Variants in HTRA4 observed in about 807,000 individuals in gnomAD.
HTRA4 encodes HtrA serine peptidase 4, also known as serine protease HTRA4.
In HTRA4, 46 loss-of-function variants were observed where a neutral mutation model predicts 49.1. The observed-to-expected ratio is 0.94, with a 90% confidence interval of 0.74 to 1.20. HTRA4 has a LOEUF of 1.20. HTRA4 is among the 50% of genes most tolerant of loss of function. The pLI, the probability that HTRA4 is intolerant of heterozygous loss-of-function variation, is 0.00. For synonymous variants in HTRA4, 261 were observed against 264.0 expected, an observed-to-expected ratio of 0.99 and a Z score of 0.11; for missense variants, 602 against 636.9, an observed-to-expected ratio of 0.95 and a Z score of 0.59.
chr8:38,988,048 C>T lies in HTRA4; in HGVS notation c.1381C>T (p.Arg461Trp), dbSNP rs761178510. ...DSDSLSMAVL[R>W]GKDNLLLTVI... ...TGATTCCCTTTCCATGGCTGTTCTT[C>T]GGGGAAAAGATAATTTGCTCCTGAC... The change falls in exon 9 of 9, where the codon CGG (arginine) becomes TGG (tryptophan). Residue 461 changes from arginine (R) to tryptophan (W), a missense_variant. Arg to Trp is a moderately radical substitution (Grantham distance 101). Coordinates refer to ENST00000302495, the MANE Select transcript of HTRA4 (RefSeq NM_153692.4). 1.2e-5 allele frequency: 20 copies of T among 1,609,978 alleles called. No individual in the cohort carries two copies. The highest frequency in any genetic ancestry group is 1.7e-4 in the Middle Eastern group (1 of 6,060).
chr8:38,987,938 C>T lies in HTRA4; in HGVS notation c.1271C>T (p.Ser424Phe). The change falls in exon 9 of 9, where the codon TCT becomes TTT. Residue 424 changes from serine (S) to phenylalanine (F), a missense_variant and splice_region_variant. Transcript: ENST00000302495. ...TCTTTTTTTTCTCCCTCTCTCAGCT[C>T]TGGATTGAGAGATCACGATGTAATT... ...KVVEGTAAQS[S>F]GLRDHDVIVN... 6.3e-7 allele frequency: 1 copy of T among 1,577,336 alleles called. No individual in the cohort carries two copies. Among genetic ancestry groups the T allele is most frequent in the South Asian group, 1.2e-5 (1 of 83,986 alleles).
At chr8:38,986,236 C>T (rs1028288922) in intron 8 of HTRA4, among the ~76,000 whole-genome samples, 1 of 152,140 alleles carries the variant, frequency 6.6e-6, no homozygotes, top group Non-Finnish European at 1.5e-5. Context: ...CTGGCACTTA[C>T]AAAACTTTTA....
intron 5 of HTRA4, among the ~76,000 whole-genome samples, chr8:38,981,063 GTTTTTTTTTTTTTTTTTT>G (rs71216700): frequency 1.2e-4 from 6 of 48,144 alleles, no homozygotes; most frequent in African/African-American, 1.8e-4. Flanking sequence ...ATGAGCTTAA[GTTTTTTTTTTTTTTTTTT>G]TTTTTTTTTT....
In HTRA4 at chr8:38,974,560, C is replaced by A; in HGVS notation, c.297C>A (p.Arg99=). Residue 99 remains arginine (R), a synonymous_variant, in exon 1 of 9, where the codon CGC becomes CGA. Transcript: ENST00000302495. ...APGLQCLQPL[R]PGFPSTCGCP... The stretch of plus-strand genomic sequence containing the variant: ...GGCTGCAGTGCCTCCAGCCGCTGCG[C>A]CCCGGGTTCCCCAGCACCTGCGGTT... The A allele has an allele frequency of 7.1e-7, 1 of 1,404,898 alleles. No individual in the cohort carries two copies. The allele number at this position is 1,404,898 out of a possible 1,614,324, so 87.0% of individuals were successfully genotyped here. A position where few individuals can be genotyped will look rare whatever the true frequency, so the allele number is the denominator to read the frequency against.
intron 4 of HTRA4, among the ~76,000 whole-genome samples, chr8:38,978,637 G>A (rs541254349): frequency 2.6e-5 from 4 of 152,260 alleles, no homozygotes; most frequent in South Asian, 2.1e-4. Context: ...TGTCTCGTTC[G>A]CTGTGATCGC....
intron 5 of HTRA4, 28 bp downstream of exon 5, chr8:38,979,275 A>G (rs1170284526): frequency 1.2e-6 from 2 of 1,601,556 alleles, no homozygotes; most frequent in African/African-American, 2.7e-5. Flanking sequence ...TTGTTGCTTC[A>G]TGTTTCTTCT....
intron 8 of HTRA4, among the ~76,000 whole-genome samples, chr8:38,983,964 A>G (rs929836028): frequency 6.6e-6 from 1 of 152,032 alleles, no homozygotes; most frequent in African/African-American, 2.4e-5. Flanking sequence ...TAAGTGATTA[A>G]CACCTATTAG....
intron 4 of HTRA4, among the ~76,000 whole-genome samples, chr8:38,978,632 C>T (rs1427659432): frequency 2.0e-5 from 3 of 152,122 alleles, no homozygotes; most frequent in Admixed American, 6.5e-5. Context: ...GAGTCTGTCT[C>T]GTTCGCTGTG....
intron 7 of HTRA4, 103 bp from the exon 8 acceptor site, chr8:38,982,850 C>A: frequency 2.6e-6 from 2 of 758,062 alleles, no homozygotes; most frequent in East Asian, 2.6e-5. Context: ...TTCCTCGGCC[C>A]TTGTGAACCT....
Position 38,982,553 on chromosome 8 carries a change from G to A in HTRA4, c.1170G>A (p.Val390=), listed in dbSNP as rs1835436208. ...YLGLQMLSLT[V]PLSEELKMHY... ...GTCTGCAAATGCTGTCCCTCACTGTGCCGTAAGCATGTGTTTGAATATGTC... is the reference window on the plus strand; with the variant it reads ...GTCTGCAAATGCTGTCCCTCACTGTACCGTAAGCATGTGTTTGAATATGTC... The change falls in exon 7 of 9, where the codon GTG becomes GTA. Residue 390 remains valine, a splice_region_variant and synonymous_variant. Coordinates refer to ENST00000302495, the MANE Select transcript of HTRA4 (RefSeq NM_153692.4). 6.2e-7 allele frequency: 1 copy of A among 1,613,940 alleles called. No homozygotes were observed.
chr8:38,975,222 T>TA lies in HTRA4; in HGVS notation c.566+98dup, dbSNP rs201547387. ...ACCCTTCGCAAGCGTCATTTAATCCTAAAAAACCAGTGAGGAAACTGAGAC... is the reference window on the plus strand; with the variant it reads ...ACCCTTCGCAAGCGTCATTTAATCCTAAAAAAACCAGTGAGGAAACTGAGAC... On this transcript the variant is annotated intron_variant, in intron 2 of 8. Transcript: ENST00000302495. 6.8e-4 allele frequency: 889 copies of TA among 1,303,742 alleles called. 11 individuals are homozygous for TA. In the East Asian group the frequency reaches 0.018, roughly 26 times the overall value. The allele number at this position is 1,303,742 out of a possible 1,614,324, so 80.8% of individuals were successfully genotyped here.
rs1407053357 is a variant in HTRA4 at position 38,977,933 on chromosome 8, C to A, written c.772-20C>A. Reference sequence around the variant, plus strand: ...TCTTTACCCTTTCTGTCCTCCCCATCCCTTTTTGGGCACGTGCAGGCTGAA... The same window carrying A: ...TCTTTACCCTTTCTGTCCTCCCCATACCTTTTTGGGCACGTGCAGGCTGAA... On this transcript the variant is annotated intron_variant, in intron 3 of 8. Coordinates refer to ENST00000302495, the MANE Select transcript of HTRA4 (RefSeq NM_153692.4). 6.2e-7 allele frequency: 1 copy of A among 1,610,158 alleles called. No homozygotes were observed. The highest frequency in any genetic ancestry group is 1.3e-5 in the African/African-American group (1 of 74,744).
At chr8:38,974,972 A>G (rs1835327746) in intron 1 of HTRA4, 59 bp from the exon 2 acceptor site, 4 of 1,587,754 alleles carry the variant, frequency 2.5e-6, no homozygotes, top group East Asian at 4.5e-5. Flanking sequence ...CATTTTTCCA[A>G]CTAGGATAGC....
chr8:38,978,384 C>T (rs1489238602), intron 4 of HTRA4, among the ~76,000 whole-genome samples: 1 of 152,214 alleles, frequency 6.6e-6, no homozygotes, highest in African/African-American at 2.4e-5. Context: ...GAATCTAACT[C>T]ATGCCCGATG....
chr8:38,986,343 C>T (rs1362776586), intron 8 of HTRA4, among the ~76,000 whole-genome samples: 2 of 152,184 alleles, frequency 1.3e-5, no homozygotes, highest in Non-Finnish European at 2.9e-5. Flanking sequence ...AATGCAATGG[C>T]ATGATCTCAG....
rs773305917 is a variant in HTRA4 at position 38,985,161 on chromosome 8, C to CTTTTTT, written c.1268+2126_1268+2131dup. Among the ~76,000 whole-genome samples the CTTTTTT allele has an allele frequency of 4.9e-4, 64 of 130,672 alleles. 3 individuals are homozygous for CTTTTTT. Among genetic ancestry groups the CTTTTTT allele is most frequent in the East Asian group, 1.2e-3 (5 of 4,306 alleles). The allele number at this position is 130,672 out of a possible 152,430, so 85.7% of individuals were successfully genotyped here. A position where few individuals can be genotyped will look rare whatever the true frequency, so the allele number is the denominator to read the frequency against. On this transcript the variant is annotated intron_variant, in intron 8 of 8. Transcript: ENST00000302495. ...TCTCCTGGGCTTTTCTGTTGTACTTCTTTTTTTTTTTTTTTTTTGAGACGG... is the reference window on the plus strand; with the variant it reads ...TCTCCTGGGCTTTTCTGTTGTACTTCTTTTTTTTTTTTTTTTTTTTTTTTGAGACGG...
Position 38,975,264 on chromosome 8 carries a change from A to G in HTRA4, c.566+134A>G. ...AACTGAGACGTAAAGAGGTTGAATA[A>G]CCTGTTCAAGGTCATTTAACCAAAG... is the stretch of plus-strand genomic sequence containing the variant. On this transcript the variant is annotated intron_variant, in intron 2 of 8. Transcript: ENST00000302495. 3.4e-6 allele frequency: 3 copies of G among 874,218 alleles called. No individual in the cohort carries two copies. The South Asian group carries it at 4.5e-5, about 13-fold the overall frequency. The allele number at this position is 874,218 out of a possible 1,614,324, so 54.2% of individuals were successfully genotyped here. A position where few individuals can be genotyped will look rare whatever the true frequency, so the allele number is the denominator to read the frequency against.
At chr8:38,978,488 A>T (rs10100910) in intron 4 of HTRA4, among the ~76,000 whole-genome samples, 62,787 of 151,610 alleles carry the variant, frequency 0.41, 13,556 homozygotes, top group East Asian at 0.75. Context: ...AAGTTTGGGG[A>T]TTGCTGACTT....
At chr8:38,982,815 T>TGA in intron 7 of HTRA4, 138 bp from the exon 8 acceptor site, 1 of 655,382 alleles carries the variant, frequency 1.5e-6, no homozygotes, top group Non-Finnish European at 2.7e-6. Flanking sequence ...GAGAGGAGAA[T>TGA]GACTGTGATT....
Sources: gnomAD v4.1 joint callset for allele counts (sites outside exome capture counted in the v4.1 genomes callset) on GRCh38, gnomAD v4.1.1 for gene constraint, MANE v1.5 for transcripts, NCBI Gene and HGNC (gene_info 2026-07-23, HGNC 2026-07-21) for gene names.